CAPSL: variants seen among roughly 807,000 people sequenced by gnomAD.
CAPSL encodes the protein calcyphosin-like protein.
Under a neutral mutation model 21.3 loss-of-function variants are expected in CAPSL, and 17 were observed. The observed-to-expected ratio is 0.80, with a 90% CI of 0.55 to 1.20. The LOEUF (loss-of-function observed/expected upper bound fraction) is 1.20, where lower values mean the gene tolerates loss of function less well. CAPSL is among the 50% of genes most tolerant of loss of function. The probability of loss-of-function intolerance (pLI) is 0.00; values close to 1 mark genes in which losing one functional copy is unlikely to be tolerated. For missense variants in CAPSL, 289 were observed against 259.3 expected (o/e 1.11, Z -0.79); for synonymous variants, 102 against 89.3 (o/e 1.14, Z -0.80).
At chr5:35,913,655 T>C (rs1738292210) in intron 2 of CAPSL, among the ~76,000 whole-genome samples, 1 of 152,138 alleles carries the variant, frequency 6.6e-6, no homozygotes, top group Non-Finnish European at 1.5e-5. Context: ...GACAAGCAAA[T>C]GCTGAGAGAT....
intron 2 of CAPSL, among the ~76,000 whole-genome samples, chr5:35,911,927 G>A (rs551196343): frequency 1.3e-5 from 2 of 152,196 alleles, no homozygotes; most frequent in South Asian, 4.1e-4. Flanking sequence ...CCTCACCCAG[G>A]AAGCGCAAGG....
intron 1 of CAPSL, among the ~76,000 whole-genome samples, chr5:35,934,539 G>T (rs975193449): frequency 3.3e-5 from 5 of 152,184 alleles, no homozygotes; most frequent in Admixed American, 3.3e-4. Flanking sequence ...CCACTGGGAG[G>T]CATCAGTAGA....
rs34779853 is a variant in CAPSL, at chr5:35,919,160, T to TAAAAA, written c.137+1819_137+1823dup. ...CTGGTTAGCTAGTATCTTTCCTGATTAAAAAAAAAAATATATATATATATA... is the reference window on the plus strand; with the variant it reads ...CTGGTTAGCTAGTATCTTTCCTGATTAAAAAAAAAAAAAAAATATATATATATATA... On this transcript the variant is annotated intron_variant, in intron 2 of 4. Coordinates refer to ENST00000651391, the MANE Select transcript of CAPSL (RefSeq NM_001042625.2). Among the ~76,000 whole-genome samples, 1,000 of 129,156 alleles carry TAAAAA rather than the reference T, an allele frequency of 7.7e-3. 9 individuals carry two copies. The highest frequency in any genetic ancestry group is 0.027 in the Middle Eastern group (7 of 260). 84.7% of individuals were successfully genotyped at this position (129,156 alleles called of 152,430 possible).
At chr5:35,936,708 T>A (rs1738955863) in intron 1 of CAPSL, among the ~76,000 whole-genome samples, 1 of 152,226 alleles carries the variant, frequency 6.6e-6, no homozygotes. Flanking sequence ...TTCTTCCTTG[T>A]CTTCACCTGC....
At chr5:35,932,903 G>A (rs1013312052) in intron 1 of CAPSL, among the ~76,000 whole-genome samples, 4 of 152,254 alleles carry the variant, frequency 2.6e-5, no homozygotes, top group East Asian at 1.9e-4. Context: ...CTCAGTGCAG[G>A]CAAACATAAC....
intron 1 of CAPSL, 48 bp downstream of exon 1, chr5:35,938,493 G>GAA (rs367761491): frequency 1.4e-4 from 20 of 144,836 alleles, no homozygotes; most frequent in Admixed American, 1.4e-4. Flanking sequence ...GACATACCAA[G>GAA]AAAAAAAAAA....
chr5:35,929,333 G>A (rs1260883537), intron 1 of CAPSL, among the ~76,000 whole-genome samples: 2 of 149,004 alleles, frequency 1.3e-5, no homozygotes, highest in Middle Eastern at 3.2e-3. Context: ...TGCCCAGGCT[G>A]GAGTACAGTG....
intron 4 of CAPSL, among the ~76,000 whole-genome samples, chr5:35,908,417 T>C (rs1383293895): frequency 6.6e-6 from 1 of 152,214 alleles, no homozygotes; most frequent in Non-Finnish European, 1.5e-5. Flanking sequence ...TTAATGTGGC[T>C]TCTTAAGATA....
chr5:35,909,086 G>A (rs1421285870), intron 4 of CAPSL, among the ~76,000 whole-genome samples: 1 of 144,850 alleles, frequency 6.9e-6, no homozygotes, highest in South Asian at 2.2e-4. Flanking sequence ...CTGGCTCAGG[G>A]TTTTTTTTTT....
intron 2 of CAPSL, among the ~76,000 whole-genome samples, chr5:35,913,302 G>C (rs1172016403): frequency 6.6e-6 from 1 of 152,206 alleles, no homozygotes; most frequent in East Asian, 1.9e-4. Context: ...TTTTCCAGGA[G>C]AACTTCCCCA....
intron 1 of CAPSL, among the ~76,000 whole-genome samples, chr5:35,932,365 C>T (rs1380150489): frequency 6.6e-6 from 1 of 152,130 alleles, no homozygotes; most frequent in Non-Finnish European, 1.5e-5. Flanking sequence ...ACATAATATT[C>T]CTACATAATA....
chr5:35,910,834 T>A (rs989955964), intron 2 of CAPSL, among the ~76,000 whole-genome samples: 2 of 152,178 alleles, frequency 1.3e-5, no homozygotes, highest in African/African-American at 4.8e-5. Context: ...ACATGGGATT[T>A]TTAGGTCAAA....
intron 2 of CAPSL, among the ~76,000 whole-genome samples, chr5:35,912,473 C>T (rs1738255446): frequency 6.6e-6 from 1 of 152,206 alleles, no homozygotes; most frequent in African/African-American, 2.4e-5. Flanking sequence ...TAGGGGCAGA[C>T]TGACACCTCA....
intron 1 of CAPSL, among the ~76,000 whole-genome samples, chr5:35,930,082 T>G (rs772260301): frequency 2.0e-5 from 3 of 152,342 alleles, no homozygotes; most frequent in Non-Finnish European, 4.4e-5. Flanking sequence ...ACATCTGGTT[T>G]TTGTTTGGAT....
At chr5:35,909,454 C>T (rs1323649630) in intron 4 of CAPSL, among the ~76,000 whole-genome samples, 1 of 152,058 alleles carries the variant, frequency 6.6e-6, no homozygotes, top group Admixed American at 6.6e-5. Flanking sequence ...ATCTGTTCTC[C>T]AAAATTAAAT....
At chr5:35,935,960 A>G (rs1354628608) in intron 1 of CAPSL, among the ~76,000 whole-genome samples, 2 of 152,162 alleles carry the variant, frequency 1.3e-5, no homozygotes, top group African/African-American at 4.8e-5. Flanking sequence ...ATAAACCCAC[A>G]TGCCAGCATG....
chr5:35,931,304 AC>A (rs1738817233), intron 1 of CAPSL, among the ~76,000 whole-genome samples: 1 of 152,094 alleles, frequency 6.6e-6, no homozygotes, highest in African/African-American at 2.4e-5. Context: ...AGAGAAAGTC[AC>A]TCTATTATAA....
chr5:35,915,856 T>G (rs926313516), intron 2 of CAPSL, among the ~76,000 whole-genome samples: 9 of 152,300 alleles, frequency 5.9e-5, no homozygotes, highest in African/African-American at 1.9e-4. Context: ...TTGGAAGTTG[T>G]GGCCAGAGCA....
chr5:35,936,595 A>G (rs1580900598), intron 1 of CAPSL, among the ~76,000 whole-genome samples: 1 of 152,120 alleles, frequency 6.6e-6, no homozygotes, highest in African/African-American at 2.4e-5. Flanking sequence ...TTCTCCAACT[A>G]GTTGACTATT....
Sources: gnomAD v4.1 joint callset for allele counts (sites outside exome capture counted in the v4.1 genomes callset) on GRCh38, gnomAD v4.1.1 for gene constraint, MANE v1.5 for transcripts, NCBI Gene and HGNC (gene_info 2026-07-23, HGNC 2026-07-21) for gene names.